The following STIMATE variants were observed in gnomAD, a reference collection of about 807,000 sequenced individuals.
The protein encoded by STIMATE is store-operated calcium entry regulator STIMATE.
Under a neutral mutation model 36.7 loss-of-function variants are expected in STIMATE, and 15 were observed. The ratio of observed to expected loss-of-function variants is 0.41; its 90% CI spans 0.27 to 0.63. The LOEUF (loss-of-function observed/expected upper bound fraction) is 0.63. Among genes scored for constraint, STIMATE ranks in the 20% least tolerant of loss-of-function variants. The pLI is 0.32. For missense variants in STIMATE, 305 were observed against 397.3 expected (o/e 0.77, Z 1.98); for synonymous variants, 163 against 162.3 (o/e 1.00, Z -0.03).
At chr3:52,855,912 C>T (rs545446549) in intron 1 of STIMATE, among the ~76,000 whole-genome samples, 4 of 152,300 alleles carry the variant, frequency 2.6e-5, no homozygotes, top group South Asian at 2.1e-4. Flanking sequence ...ATATCACATA[C>T]GGTGTGACAC....
chr3:52,852,076 T>A (rs955558796), intron 3 of STIMATE, among the ~76,000 whole-genome samples: 6 of 152,172 alleles, frequency 3.9e-5, no homozygotes, highest in African/African-American at 1.4e-4. Flanking sequence ...AAGCACTATG[T>A]GGGTGCCATC....
intron 1 of STIMATE, among the ~76,000 whole-genome samples, chr3:52,874,805 G>A (rs902559390): frequency 3.9e-4 from 60 of 152,158 alleles, no homozygotes; most frequent in African/African-American, 1.4e-3. Context: ...TCTTGCCACT[G>A]CACTCCAGCC....
At chr3:52,844,418 C>T (rs1186830249) in intron 5 of STIMATE, among the ~76,000 whole-genome samples, 1 of 152,168 alleles carries the variant, frequency 6.6e-6, no homozygotes, top group Admixed American at 6.5e-5. Context: ...GTGGGCTGGC[C>T]AGGGCATCGG....
At chr3:52,890,895 G>A (rs1701772330) in intron 1 of STIMATE, among the ~76,000 whole-genome samples, 2 of 152,096 alleles carry the variant, frequency 1.3e-5, no homozygotes, top group Middle Eastern at 3.2e-3. Flanking sequence ...GGGTGCCTTC[G>A]CCTCAGATGC....
At chr3:52,897,268 G>A (rs1001727534) in intron 1 of STIMATE, 23 bp downstream of exon 1, 18 of 1,536,058 alleles carry the variant, frequency 1.2e-5, no homozygotes, top group Non-Finnish European at 1.4e-5. Flanking sequence ...GGCCTCCGGA[G>A]GGTCGGGGGG....
chr3:52,879,704 G>A (rs1040197223), intron 1 of STIMATE, among the ~76,000 whole-genome samples: 7 of 152,120 alleles, frequency 4.6e-5, no homozygotes, highest in Non-Finnish European at 1.0e-4. Flanking sequence ...AAAGGAGCTG[G>A]AAAAACCACC....
At chr3:52,850,357 G>C (rs1043382643) in intron 3 of STIMATE, among the ~76,000 whole-genome samples, 2 of 152,136 alleles carry the variant, frequency 1.3e-5, no homozygotes, top group Non-Finnish European at 2.9e-5. Flanking sequence ...ACTTGAACCC[G>C]GGAGGTGGAG....
At chr3:52,888,618 T>G (rs935217611) in intron 1 of STIMATE, among the ~76,000 whole-genome samples, 4 of 152,160 alleles carry the variant, frequency 2.6e-5, no homozygotes, top group Admixed American at 2.0e-4. Context: ...CATTTCATAC[T>G]ATTAAATGAA....
intron 2 of STIMATE, among the ~76,000 whole-genome samples, chr3:52,854,201 G>T (rs1221538180): frequency 6.6e-6 from 1 of 152,170 alleles, no homozygotes; most frequent in South Asian, 2.1e-4. Context: ...CTCTGGCCTT[G>T]GTCCTGATAC....
chr3:52,896,997 G>T (rs946108252), intron 1 of STIMATE, among the ~76,000 whole-genome samples: 4 of 152,170 alleles, frequency 2.6e-5, no homozygotes, highest in African/African-American at 9.7e-5. Context: ...TCCAGGCTGG[G>T]AAGTGGGGTA....
intron 1 of STIMATE, among the ~76,000 whole-genome samples, chr3:52,856,459 T>C (rs4687556): frequency 0.77 from 116,866 of 152,008 alleles, 46,515 homozygotes; most frequent in East Asian, 0.94. Flanking sequence ...GGCGTGAGGA[T>C]TGCTTGAGCC....
chr3:52,851,651 G>C (rs1013487351), intron 3 of STIMATE, among the ~76,000 whole-genome samples: 3 of 39,800 alleles, frequency 7.5e-5, no homozygotes, highest in Non-Finnish European at 3.8e-4. Flanking sequence ...AGGCTATGCT[G>C]CTCTCAGATA....
At chr3:52,849,172 C>G (rs1373385872) in intron 4 of STIMATE, among the ~76,000 whole-genome samples, 1 of 152,198 alleles carries the variant, frequency 6.6e-6, no homozygotes, top group Non-Finnish European at 1.5e-5. Context: ...TGATACTGAT[C>G]CACCTGGAAG....
At chr3:52,860,136 A>AC (rs945616514) in intron 1 of STIMATE, among the ~76,000 whole-genome samples, 2 of 151,446 alleles carry the variant, frequency 1.3e-5, no homozygotes, top group African/African-American at 4.9e-5. Context: ...TAAAAAAAAA[A>AC]AAACAGAAAA....
chr3:52,868,661 C>T (rs973030697), intron 1 of STIMATE, among the ~76,000 whole-genome samples: 1 of 152,116 alleles, frequency 6.6e-6, no homozygotes, highest in Non-Finnish European at 1.5e-5. Context: ...TTGCTCTTGT[C>T]GCTCAGGCTG....
intron 1 of STIMATE, among the ~76,000 whole-genome samples, chr3:52,869,002 T>C (rs1158258651): frequency 6.6e-6 from 1 of 152,152 alleles, no homozygotes; most frequent in African/African-American, 2.4e-5. Context: ...GATAAGGTCA[T>C]GGGGTTTGCC....
At chr3:52,846,910 A>C (rs919245244) in intron 4 of STIMATE, among the ~76,000 whole-genome samples, 2 of 151,932 alleles carry the variant, frequency 1.3e-5, no homozygotes, top group South Asian at 4.2e-4. Context: ...CATTGCTGTT[A>C]TTGTTTTCTT....
rs1004455774 is a variant in STIMATE, at chr3:52,843,738, C to T, written c.601G>A (p.Val201Ile). 7 of 1,613,772 alleles carry T rather than the reference C, an allele frequency of 4.3e-6. No homozygotes were observed. The highest frequency in any genetic ancestry group is 2.7e-5 in the African/African-American group (2 of 74,806). Reference sequence around the variant, plus strand: ...GCACTGACGTTGACAAAGAAGGGGACGATCAGCATGACGATGGCCAGCTTC... The same window carrying T: ...GCACTGACGTTGACAAAGAAGGGGATGATCAGCATGACGATGGCCAGCTTC... The part of the protein sequence containing the change: ...DLKLAIVMLI[V>I]PFFVNALMFW... The change falls in exon 6 of 8, where the codon GTC becomes ATC. Residue 201 changes from valine (V) to isoleucine (I), a missense_variant. Val to Ile is a conservative substitution (Grantham distance 29). Transcript: ENST00000355083.
chr3:52,879,131 A>T (rs1204428097), intron 1 of STIMATE, among the ~76,000 whole-genome samples: 2 of 152,158 alleles, frequency 1.3e-5, no homozygotes, highest in Non-Finnish European at 2.9e-5. Context: ...TACACATAAG[A>T]CCTTTGCCCT....
Sources: allele counts gnomAD v4.1 joint callset (sites outside exome capture counted in the v4.1 genomes callset), GRCh38; gene constraint gnomAD v4.1.1; transcripts MANE v1.5; gene names NCBI Gene and HGNC (gene_info 2026-07-23, HGNC 2026-07-21).